The following UBE2E1 variants were observed in gnomAD, a reference collection of about 807,000 sequenced individuals.
UBE2E1 encodes ubiquitin conjugating enzyme E2 E1.
A neutral mutation model predicts 21.4 loss-of-function variants in UBE2E1; 6 were observed. That is an observed-to-expected ratio of 0.28 (90% CI 0.15 to 0.55). The LOEUF is 0.55. Ranked by LOEUF, UBE2E1 falls within the 20% of genes least tolerant of loss-of-function variation. UBE2E1 has a pLI of 0.93. For synonymous variants in UBE2E1, 87 were observed against 82.7 expected (o/e 1.05, Z -0.28); for missense variants, 142 against 236.5 (o/e 0.60, Z 2.62).
chr3:23,830,535 CA>C (rs1214983677), intron 3 of UBE2E1, among the ~76,000 whole-genome samples: 1 of 151,170 alleles, frequency 6.6e-6, no homozygotes, highest in Non-Finnish European at 1.5e-5. Context: ...CAGTGTGACT[CA>C]ATATTGGGGT....
Position 23,834,696 on chromosome 3 carries a change from T to A in UBE2E1, c.203+23186T>A, listed in dbSNP as rs149445446. On this transcript the variant is annotated intron_variant, in intron 3 of 5. Transcript: ENST00000306627. ...GTGGGCTGTGATTGCATCACTGCAC[T>A]CCTTCCTGGATGACAGAGCGAGACC... is the stretch of plus-strand genomic sequence containing the variant. 6.2e-3 allele frequency among the ~76,000 whole-genome samples: 948 copies of A among 152,204 alleles called. 5 individuals are homozygous for A. The highest frequency in any genetic ancestry group is 0.021 in the African/African-American group (875 of 41,522).
intron 3 of UBE2E1, among the ~76,000 whole-genome samples, chr3:23,815,021 A>AT (rs1216182426): frequency 6.6e-6 from 1 of 151,994 alleles, no homozygotes; most frequent in Non-Finnish European, 1.5e-5. Flanking sequence ...ACAGGGTCTC[A>AT]TTTTGTCACC....
In UBE2E1 at chr3:23,876,624, TTTGTTTTTTGTTTC is replaced by T. The variant is rs1700920502; in HGVS notation, c.204-10934_204-10921del. 6.6e-6 allele frequency among the ~76,000 whole-genome samples: 1 copy of T among 152,176 alleles called. No homozygotes were observed. The highest frequency in any genetic ancestry group is 2.4e-5 in the African/African-American group (1 of 41,448). ...ATTTTGTAAATTCAGTTTTGGGTTTTTTGTTTTTTGTTTCTTGTTTTTGTTTTTTGTCTTAATAG... is the reference window on the plus strand; with the variant it reads ...ATTTTGTAAATTCAGTTTTGGGTTTTTTGTTTTTGTTTTTTGTCTTAATAG... On this transcript the variant is annotated intron_variant, in intron 3 of 5. Coordinates refer to ENST00000306627, the MANE Select transcript of UBE2E1 (RefSeq NM_003341.5). The surrounding 1 kb of genome is among the most constrained non-coding windows in gnomAD (Gnocchi z 4.3).
Position 23,842,203 on chromosome 3 carries a change from G to GTA in UBE2E1, c.203+30694_203+30695insAT, listed in dbSNP as rs1434844038. ...CATGACCCAGTAAGTGAAGGGGTGTGTGTGTGTGTGTGTGTGTGTGTGTGT... is the reference window on the plus strand; with the variant it reads ...CATGACCCAGTAAGTGAAGGGGTGTGTATGTGTGTGTGTGTGTGTGTGTGTGT... On this transcript the variant is annotated intron_variant, in intron 3 of 5. Coordinates refer to ENST00000306627, the MANE Select transcript of UBE2E1 (RefSeq NM_003341.5). The surrounding 1 kb of genome is among the most constrained non-coding windows in gnomAD (Gnocchi z 4.6). 2.0e-4 allele frequency among the ~76,000 whole-genome samples: 18 copies of GTA among 91,298 alleles called. No homozygotes were observed. The highest frequency in any genetic ancestry group is 8.1e-4 in the African/African-American group (18 of 22,294). The allele number at this position is 91,298 out of a possible 152,430, so 59.9% of individuals were successfully genotyped here.
chr3:23,852,421 G>A (rs1700346200), intron 3 of UBE2E1, among the ~76,000 whole-genome samples: 1 of 152,016 alleles, frequency 6.6e-6, no homozygotes, highest in South Asian at 2.1e-4. Context: ...TTACTCACGG[G>A]TAGTATATAG....
intron 3 of UBE2E1, among the ~76,000 whole-genome samples, chr3:23,848,825 G>A (rs1342137214): frequency 1.3e-5 from 2 of 152,180 alleles, no homozygotes; most frequent in Admixed American, 6.5e-5. Context: ...AATCAAAGGG[G>A]GAGAGGTGTT....
At chr3:23,857,281 CT>C (rs1277202051) in intron 3 of UBE2E1, among the ~76,000 whole-genome samples, 1 of 151,276 alleles carries the variant, frequency 6.6e-6, no homozygotes, top group Non-Finnish European at 1.5e-5. Flanking sequence ...AAAGTTTGAA[CT>C]TTTTGTAACC....
intron 3 of UBE2E1, among the ~76,000 whole-genome samples, chr3:23,827,640 T>A (rs1699786207): frequency 6.6e-6 from 1 of 152,202 alleles, no homozygotes; most frequent in South Asian, 2.1e-4. Context: ...CTTTATGAAT[T>A]ATAGACCTTC....
intron 3 of UBE2E1, among the ~76,000 whole-genome samples, chr3:23,840,820 C>G (rs1401822572): frequency 1.3e-5 from 2 of 152,180 alleles, no homozygotes; most frequent in Non-Finnish European, 2.9e-5. Context: ...ACTCTGACCA[C>G]TTAGGTTATT....
At position 23,823,288 on chromosome 3, in the gene UBE2E1, A is replaced by G. The variant is rs1699683975; in HGVS notation, c.203+11778A>G. Reference sequence around the variant, plus strand: ...TAATTTGTTTCAGATTATGCCAGATACTCTTGGTCCTGCTTACCTTGATAA... The same window carrying G: ...TAATTTGTTTCAGATTATGCCAGATGCTCTTGGTCCTGCTTACCTTGATAA... On this transcript the variant is annotated intron_variant, in intron 3 of 5. Coordinates refer to ENST00000306627, the MANE Select transcript of UBE2E1 (RefSeq NM_003341.5). This position sits in a 1 kb window ranked among gnomAD's most constrained non-coding sequence, Gnocchi z 4.2. Among the ~76,000 whole-genome samples, 1 of 152,204 alleles carries G rather than the reference A, an allele frequency of 6.6e-6. No individual in the cohort carries two copies. Among genetic ancestry groups the G allele is most frequent in the African/African-American group, 2.4e-5 (1 of 41,440 alleles).
chr3:23,875,198 G>A (rs1004091773), intron 3 of UBE2E1, among the ~76,000 whole-genome samples: 4 of 152,108 alleles, frequency 2.6e-5, no homozygotes, highest in African/African-American at 7.2e-5. Flanking sequence ...TAAGACCTAC[G>A]ATTGAATGAC....
At chr3:23,890,426 T>TA in intron 5 of UBE2E1, 83 bp from the exon 6 acceptor site, 1 of 1,322,306 alleles carries the variant, frequency 7.6e-7, no homozygotes, top group Non-Finnish European at 1.1e-6. Flanking sequence ...TTGTCGTACG[T>TA]ATCTACCCAA....
chr3:23,814,605 G>C (rs886936894), intron 3 of UBE2E1, among the ~76,000 whole-genome samples: 2 of 152,114 alleles, frequency 1.3e-5, no homozygotes, highest in Admixed American at 6.5e-5. Context: ...AAAAAAATAT[G>C]TTAACTTTGT....
At chr3:23,865,722 CTGTT>C (rs1700642144) in intron 3 of UBE2E1, among the ~76,000 whole-genome samples, 1 of 152,186 alleles carries the variant, frequency 6.6e-6, no homozygotes, top group African/African-American at 2.4e-5. Context: ...TATTAAATGA[CTGTT>C]TGAATCATTT....
At position 23,890,514 on chromosome 3, in the gene UBE2E1, C is replaced by T; in HGVS notation, c.490C>T (p.Pro164Ser). Residue 164 changes from proline (P) to serine (S), a missense_variant, in exon 6 of 6, where the codon CCC (proline) becomes TCC (serine). Pro to Ser is a moderately conservative substitution (Grantham distance 74). Transcript: ENST00000306627. Reference protein sequence around the residue: ...SLLTDCNPADPLVGSIATQYM... With the variant: ...SLLTDCNPADSLVGSIATQYM... The stretch of plus-strand genomic sequence containing the variant: ...TCTACATTCTTTTCTTCCAGCCGAC[C>T]CCTTGGTGGGAAGTATTGCCACTCA... 6.2e-7 allele frequency: 1 copy of T among 1,610,950 alleles called. No individual in the cohort carries two copies. Among genetic ancestry groups the T allele is most frequent in the Non-Finnish European group, 8.5e-7 (1 of 1,178,896 alleles).
At chr3:23,829,324 CT>C (rs34404748) in intron 3 of UBE2E1, among the ~76,000 whole-genome samples, 108,967 of 142,828 alleles carry the variant, frequency 0.76, 41,764 homozygotes, top group African/African-American at 0.84. Context: ...CAAAGTCCAG[CT>C]TTTTTTTTTT....
intron 5 of UBE2E1, among the ~76,000 whole-genome samples, chr3:23,890,250 G>GTTGT (rs1170906140): frequency 6.6e-6 from 1 of 152,146 alleles, no homozygotes; most frequent in East Asian, 1.9e-4. Flanking sequence ...CCAATTGAGT[G>GTTGT]TTGTTTGTTG....
chr3:23,833,350 A>G (rs1324829743), intron 3 of UBE2E1, among the ~76,000 whole-genome samples: 4 of 152,384 alleles, frequency 2.6e-5, no homozygotes, highest in South Asian at 4.1e-4. Flanking sequence ...TAAGAATTTA[A>G]TAGACCTTCC....
chr3:23,823,103 C>G lies in UBE2E1; in HGVS notation c.203+11593C>G, dbSNP rs916246307. On this transcript the variant is annotated intron_variant, in intron 3 of 5. Coordinates refer to ENST00000306627, the MANE Select transcript of UBE2E1 (RefSeq NM_003341.5). This position sits in a 1 kb window ranked among gnomAD's most constrained non-coding sequence, Gnocchi z 4.2. ...CTTGTGATCCACCTGCCTTGGCCTC[C>G]CAAAGTGCTGGGATTACAGGCATGA... 1.2e-4 allele frequency among the ~76,000 whole-genome samples: 18 copies of G among 152,232 alleles called. No homozygotes were observed. The highest frequency in any genetic ancestry group is 4.1e-4 in the African/African-American group (17 of 41,550).
Sources: gnomAD v4.1 joint callset for allele counts (sites outside exome capture counted in the v4.1 genomes callset) on GRCh38, gnomAD v4.1.1 for gene constraint, Gnocchi (gnomAD v3.1) non-coding constraint, MANE v1.5 for transcripts, NCBI Gene and HGNC (gene_info 2026-07-23, HGNC 2026-07-21) for gene names.